Variants in RBFOX1 observed in about 807,000 individuals in gnomAD.
The protein encoded by RBFOX1 is RNA binding fox-1 homolog 1.
Under a neutral mutation model 57.7 loss-of-function variants are expected in RBFOX1, and 8 were observed. That is an observed-to-expected ratio of 0.14 (90% CI 0.08 to 0.25). The LOEUF is 0.25. Among genes scored for constraint, RBFOX1 ranks in the 10% least tolerant of loss-of-function variants. The pLI, the probability that RBFOX1 is intolerant of heterozygous loss-of-function variation, is 1.00. For synonymous variants in RBFOX1, 326 were observed against 222.4 expected (o/e 1.47, Z -4.15); for missense variants, 611 against 548.5 (o/e 1.11, Z -1.14).
chr16:5,717,061 G>A (rs1008221719), intron 3 of RBFOX1, among the ~76,000 whole-genome samples: 2 of 152,108 alleles, frequency 1.3e-5, no homozygotes, highest in African/African-American at 2.4e-5. Context: ...TTCCTGCTTG[G>A]CTGTCAGAAA....
intron 2 of RBFOX1, chr16:5,598,882 A>G (rs990355914): frequency 8.1e-6 from 12 of 1,484,658 alleles, no homozygotes; most frequent in African/African-American, 2.8e-5. Context: ...CTTTTTCTCT[A>G]TTTGTTTGTT....
intron 4 of RBFOX1, among the ~76,000 whole-genome samples, chr16:7,487,302 G>A (rs752557029): frequency 1.3e-5 from 2 of 152,004 alleles, no homozygotes; most frequent in East Asian, 1.9e-4. Flanking sequence ...CTCAAATAGC[G>A]GCCCCATCAC....
At chr16:6,805,877 C>T (rs1445541545) in intron 3 of RBFOX1, among the ~76,000 whole-genome samples, 2 of 152,188 alleles carry the variant, frequency 1.3e-5, no homozygotes, top group African/African-American at 2.4e-5. Context: ...CTTTCCAACA[C>T]GAATCACTAG....
At chr16:6,228,595 T>C (rs2097434706) in intron 1 of RBFOX1, among the ~76,000 whole-genome samples, 1 of 152,180 alleles carries the variant, frequency 6.6e-6, no homozygotes, top group African/African-American at 2.4e-5. Context: ...CTAACTTATA[T>C]ATGGAATCTA....
At chr16:6,478,246 G>A (rs2907824) in intron 2 of RBFOX1, among the ~76,000 whole-genome samples, 48,008 of 136,148 alleles carry the variant, frequency 0.35, 9,961 homozygotes, top group South Asian at 0.61. Flanking sequence ...TTTTTGAGAC[G>A]GAGTCTCTAG....
At chr16:6,577,076 C>G (rs1245401752) in intron 2 of RBFOX1, 1 of 152,176 alleles carries the variant, frequency 6.6e-6, no homozygotes, top group Non-Finnish European at 1.5e-5. Context: ...CTCCAAACTT[C>G]TTTATTCCCC....
intron 4 of RBFOX1, among the ~76,000 whole-genome samples, chr16:7,151,536 C>G (rs1050783344): frequency 6.6e-6 from 1 of 152,054 alleles, no homozygotes; most frequent in Non-Finnish European, 1.5e-5. Flanking sequence ...CCAGCACTCC[C>G]CAACCTTTTT....
rs956697507 is a variant in RBFOX1 at position 5,963,640 on chromosome 16, A to G, written c.351+96305A>G. 4.4e-4 allele frequency among the ~76,000 whole-genome samples: 67 copies of G among 152,350 alleles called. No individual in the cohort carries two copies. The Middle Eastern group carries it at 0.017, about 39-fold the overall frequency. On this transcript the variant is annotated intron_variant, in intron 4 of 19. Transcript: ENST00000641259. ...TCAACTGACCTTCAACAAGGGTGAC[A>G]AGAACCTGCAATGGGGAAAGGATGG...
At chr16:6,899,023 G>T (rs201395900) in intron 3 of RBFOX1, among the ~76,000 whole-genome samples, 1 of 112,892 alleles carries the variant, frequency 8.9e-6, no homozygotes, top group African/African-American at 3.9e-5. Flanking sequence ...GCGTCTCTGT[G>T]TGTGTGTATA....
At position 6,078,405 on chromosome 16, in the gene RBFOX1, G is replaced by C. The variant is rs948036876; in HGVS notation, c.-127+58413G>C. ...TCTTACAACCTTATGAGACGTTTTTGGGGGATTTTTTTTTTTAGCTCATCA... is the reference window on the plus strand; with the variant it reads ...TCTTACAACCTTATGAGACGTTTTTCGGGGATTTTTTTTTTTAGCTCATCA... On this transcript the variant is annotated intron_variant, in intron 1 of 15. Coordinates refer to ENST00000550418, the MANE Select transcript of RBFOX1 (RefSeq NM_018723.4). Among the ~76,000 whole-genome samples the C allele has an allele frequency of 2.7e-5, 4 of 150,718 alleles. 1 individual carries two copies. The highest frequency in any genetic ancestry group is 3.0e-5 in the Non-Finnish European group (2 of 67,568).
intron 2 of RBFOX1, among the ~76,000 whole-genome samples, chr16:6,396,822 A>G (rs1438613894): frequency 1.3e-5 from 2 of 152,206 alleles, no homozygotes; most frequent in African/African-American, 2.4e-5. Flanking sequence ...ATTAACAGAT[A>G]AGGACTTTGA....
chr16:7,612,766 G>T (rs745415129), intron 10 of RBFOX1, among the ~76,000 whole-genome samples: 1 of 152,006 alleles, frequency 6.6e-6, no homozygotes, highest in Non-Finnish European at 1.5e-5. Context: ...GTCAGCACGG[G>T]GCTGTCAAAT....
At chr16:7,704,784 C>G (rs2148368097) in intron 14 of RBFOX1, among the ~76,000 whole-genome samples, 1 of 152,272 alleles carries the variant, frequency 6.6e-6, no homozygotes, top group South Asian at 2.1e-4. Flanking sequence ...GGTGTGGTAG[C>G]TCATGTTTGT....
intron 3 of RBFOX1, among the ~76,000 whole-genome samples, chr16:5,788,658 T>C (rs2054590924): frequency 6.6e-6 from 1 of 152,062 alleles, no homozygotes; most frequent in Non-Finnish European, 1.5e-5. Context: ...AACAAACTTG[T>C]GCTCTTTCAA....
At chr16:7,495,807 A>C (rs183705166) in intron 4 of RBFOX1, among the ~76,000 whole-genome samples, 1 of 152,340 alleles carries the variant, frequency 6.6e-6, no homozygotes, top group Admixed American at 6.5e-5. Flanking sequence ...GCACTAGAGA[A>C]CTTATTCATG....
At chr16:6,972,782 G>C (rs754949357) in intron 3 of RBFOX1, among the ~76,000 whole-genome samples, 1 of 152,052 alleles carries the variant, frequency 6.6e-6, no homozygotes, top group African/African-American at 2.4e-5. Flanking sequence ...ATTTGATGTC[G>C]AGTGGGTAAG....
intron 3 of RBFOX1, among the ~76,000 whole-genome samples, chr16:7,000,637 C>T (rs1248808915): frequency 7.9e-6 from 1 of 126,450 alleles, no homozygotes; most frequent in Non-Finnish European, 1.6e-5. Flanking sequence ...TCTCGCTCTC[C>T]TCTGTCGCCC....
At chr16:5,438,941 G>A (rs1225796156) in intron 1 of RBFOX1, among the ~76,000 whole-genome samples, 2 of 151,480 alleles carry the variant, frequency 1.3e-5, no homozygotes, top group Admixed American at 6.6e-5. Context: ...TTGTGTGGAT[G>A]GGGAGGTGGT....
At chr16:7,012,132 G>C (rs1427836010) in intron 3 of RBFOX1, among the ~76,000 whole-genome samples, 1 of 152,184 alleles carries the variant, frequency 6.6e-6, no homozygotes, top group Non-Finnish European at 1.5e-5. Flanking sequence ...CAAAGATCTA[G>C]AATAATCATA....
Sources: gnomAD v4.1 joint callset for allele counts (sites outside exome capture counted in the v4.1 genomes callset) on GRCh38, gnomAD v4.1.1 for gene constraint, MANE v1.5 for transcripts, NCBI Gene and HGNC (gene_info 2026-07-23, HGNC 2026-07-21) for gene names.